RAD17: variants seen among roughly 807,000 people sequenced by gnomAD.
RAD17 encodes RAD17 checkpoint clamp loader component.
In RAD17, 31 loss-of-function variants were observed where a neutral mutation model predicts 81.5. That is an observed-to-expected ratio of 0.38 (90% CI 0.29 to 0.51). The LOEUF is 0.51. Ranked by LOEUF, RAD17 falls within the 20% of genes least tolerant of loss-of-function variation. The pLI, the probability that RAD17 is intolerant of heterozygous loss-of-function variation, is 0.88. For missense variants in RAD17, 681 were observed against 781.2 expected (o/e 0.87, Z 1.53); for synonymous variants, 261 against 266.2 (o/e 0.98, Z 0.19).
chr5:69,370,034 G>C, intron 1 of RAD17, 101 bp downstream of exon 1: 2 of 354,714 alleles, frequency 5.6e-6, no homozygotes, highest in Non-Finnish European at 1.0e-5. Context: ...TCCTCCTCCC[G>C]ACCCGCCCAT....
chr5:69,405,666 C>CA (rs924412212), intron 17 of RAD17, among the ~76,000 whole-genome samples: 13 of 149,724 alleles, frequency 8.7e-5, no homozygotes, highest in Non-Finnish European at 1.9e-4. Context: ...AACTCTGTCT[C>CA]AAAAAACAAA....
rs1249527978 is a variant in RAD17, at chr5:69,374,861, C to T, written c.351+150C>T. 7.5e-6 allele frequency: 5 copies of T among 668,530 alleles called. No individual in the cohort carries two copies. In the East Asian group the frequency reaches 8.7e-5, roughly 12 times the overall value. The allele number at this position is 668,530 out of a possible 1,614,324, so 41.4% of individuals were successfully genotyped here. A position where few individuals can be genotyped will look rare whatever the true frequency, so the allele number is the denominator to read the frequency against. ...AGCTCCCTAGTGGGGCATGGTGACT[C>T]ATGCCTGTAATCCCAGCACTTTGGG... is the stretch of plus-strand genomic sequence containing the variant. On this transcript the variant is annotated intron_variant, in intron 6 of 18. Coordinates refer to ENST00000354868, the MANE Select transcript of RAD17 (RefSeq NM_133338.3).
At chr5:69,369,716 T>C, upstream of RAD17, 1 of 1,550,954 alleles carries the variant, frequency 6.4e-7, no homozygotes, top group African/African-American at 1.4e-5. Flanking sequence ...CTCGGGTCGG[T>C]ACTTCGGGTC....
chr5:69,403,454 G>T (rs1391584399), intron 17 of RAD17, among the ~76,000 whole-genome samples: 1 of 152,140 alleles, frequency 6.6e-6, no homozygotes, highest in African/African-American at 2.4e-5. Context: ...CTGACCAACA[G>T]ATTCATCATG....
intron 18 of RAD17, among the ~76,000 whole-genome samples, chr5:69,410,994 T>TATATATATATATAC (rs1765957712): frequency 6.9e-6 from 1 of 145,094 alleles, no homozygotes; most frequent in Non-Finnish European, 1.5e-5. Flanking sequence ...TATATATATA[T>TATATATATATATAC]ATACTGTTCA....
intron 7 of RAD17, among the ~76,000 whole-genome samples, 155 bp from the exon 8 acceptor site, chr5:69,384,642 G>C (rs1273273727): frequency 6.6e-6 from 1 of 152,056 alleles, no homozygotes; most frequent in African/African-American, 2.4e-5. Context: ...CCTTTGAAAG[G>C]AATATCCTAT....
chr5:69,384,975 A>G (rs1484106765), intron 8 of RAD17, 42 bp downstream of exon 8: 1 of 1,440,402 alleles, frequency 6.9e-7, no homozygotes, highest in Non-Finnish European at 9.4e-7. Flanking sequence ...TTTTTTTGAA[A>G]TGGAGTCTTG....
At chr5:69,385,174 A>T (rs1054447602) in intron 8 of RAD17, among the ~76,000 whole-genome samples, 2 of 148,456 alleles carry the variant, frequency 1.3e-5, no homozygotes, top group African/African-American at 4.9e-5. Flanking sequence ...GTTAGCCAGG[A>T]TGGTCTCGAT....
At chr5:69,411,405 C>G (rs1443731295) in intron 18 of RAD17, among the ~76,000 whole-genome samples, 1 of 151,966 alleles carries the variant, frequency 6.6e-6, no homozygotes, top group East Asian at 1.9e-4. Context: ...AAGCAAAACT[C>G]CATCTCAAAA....
intron 17 of RAD17, among the ~76,000 whole-genome samples, chr5:69,407,738 G>A (rs1267534296): frequency 6.6e-6 from 1 of 151,802 alleles, no homozygotes; most frequent in Admixed American, 6.6e-5. Context: ...CGCTATGCCC[G>A]GCGGGGTTTC....
At chr5:69,384,714 GTA>G (rs1184135695) in intron 7 of RAD17, 81 bp from the exon 8 acceptor site, 15 of 1,260,172 alleles carry the variant, frequency 1.2e-5, no homozygotes, top group Non-Finnish European at 1.5e-5. Context: ...GATGCATCAA[GTA>G]TGTGTGTGTG....
intron 11 of RAD17, among the ~76,000 whole-genome samples, chr5:69,386,755 G>A (rs1030717610): frequency 6.6e-6 from 1 of 151,994 alleles, no homozygotes; most frequent in Non-Finnish European, 1.5e-5. Context: ...TGTAGGTATG[G>A]TAGTTATCAA....
In RAD17 at chr5:69,369,867, CCTTTCACCTAG is replaced by C; in HGVS notation, c.-482_-472del. The C allele has an allele frequency of 1.5e-6, 1 of 675,936 alleles. No individual in the cohort carries two copies. Among genetic ancestry groups the C allele is most frequent in the Non-Finnish European group, 2.5e-6 (1 of 396,800 alleles). 41.9% of individuals were successfully genotyped at this position (675,936 alleles called of 1,614,324 possible). A position where few individuals can be genotyped will look rare whatever the true frequency, so the allele number is the denominator to read the frequency against. ...AGCCCGGGTAGGGCCAGGTGGCTGCCCTTTCACCTAGGGTAGTCCCTGGTCGCCTCCGCTCT... is the reference window on the plus strand; with the variant it reads ...AGCCCGGGTAGGGCCAGGTGGCTGCCGGTAGTCCCTGGTCGCCTCCGCTCT... On this transcript the variant is annotated 5_prime_UTR_variant, in exon 1 of 19. Coordinates refer to ENST00000354868, the MANE Select transcript of RAD17 (RefSeq NM_133338.3).
chr5:69,378,473 T>TTATA (rs1443886069), intron 6 of RAD17, among the ~76,000 whole-genome samples: 1 of 152,250 alleles, frequency 6.6e-6, no homozygotes, highest in Non-Finnish European at 1.5e-5. Flanking sequence ...AAATGTATAA[T>TTATA]GCCTGTGCAT....
chr5:69,409,943 G>A (rs1170512413), intron 17 of RAD17, among the ~76,000 whole-genome samples: 1 of 152,178 alleles, frequency 6.6e-6, no homozygotes. Flanking sequence ...TTTGTGACTA[G>A]TTGCACTTAG....
chr5:69,412,184 C>T (rs1463462716), intron 18 of RAD17, among the ~76,000 whole-genome samples: 1 of 152,038 alleles, frequency 6.6e-6, no homozygotes, highest in African/African-American at 2.4e-5. Flanking sequence ...TCTTGATCTC[C>T]TGACCTCGTG....
intron 17 of RAD17, among the ~76,000 whole-genome samples, chr5:69,407,562 GTTTTTTTTTTTTTTTTT>G (rs550222595): frequency 4.9e-5 from 2 of 40,890 alleles, no homozygotes; most frequent in African/African-American, 1.1e-4. Flanking sequence ...CTATGTCCAA[GTTTTTTTTTTTTTTTTT>G]TTTTTTTTTT....
chr5:69,374,004 G>A lies in RAD17; in HGVS notation c.184G>A (p.Glu62Lys), dbSNP rs752451296. 2 of 1,612,288 alleles carry A rather than the reference G, an allele frequency of 1.2e-6. No individual in the cohort carries two copies. The highest frequency in any genetic ancestry group is 1.7e-6 in the Non-Finnish European group (2 of 1,178,652). ...AAAAAGAGGAAATCTATCTTCCTTA[G>A]AACAGATTTATGGTTTAGAAAATTC... ...ARKRGNLSSLEQIYGLENSKE... is the reference protein window; with the variant it reads ...ARKRGNLSSLKQIYGLENSKE... The change falls in exon 5 of 19, where the codon GAA (glutamate) becomes AAA (lysine). Residue 62 changes from glutamate to lysine, a missense_variant. Physicochemically the swap from Glu to Lys is moderately conservative, Grantham distance 56. Coordinates refer to ENST00000354868, the MANE Select transcript of RAD17 (RefSeq NM_133338.3).
chr5:69,374,169 T>G, intron 5 of RAD17, 82 bp downstream of exon 5: 4 of 1,218,356 alleles, frequency 3.3e-6, no homozygotes, highest in Non-Finnish European at 4.6e-6. Flanking sequence ...GGATTTACAT[T>G]TTCAGATTTT....
Sources: allele counts gnomAD v4.1 joint callset (sites outside exome capture counted in the v4.1 genomes callset), GRCh38; gene constraint gnomAD v4.1.1; transcripts MANE v1.5; gene names NCBI Gene and HGNC (gene_info 2026-07-23, HGNC 2026-07-21).